SIPA1L1: variants seen among roughly 807,000 people sequenced by gnomAD.
SIPA1L1 encodes signal induced proliferation associated 1 like 1, also known as signal-induced proliferation-associated 1-like protein 1.
In SIPA1L1, 26 loss-of-function variants were observed where a neutral mutation model predicts 162.7. The observed-to-expected ratio is 0.16, with a 90% CI of 0.12 to 0.22. The LOEUF is 0.22. Ranked by LOEUF, SIPA1L1 falls within the 10% of genes least tolerant of loss-of-function variation. The probability of loss-of-function intolerance (pLI) is 1.00; values close to 1 mark genes in which losing one functional copy is unlikely to be tolerated. For synonymous variants in SIPA1L1, 829 were observed against 837.4 expected (o/e 0.99, Z 0.17); for missense variants, 1,874 against 2,241.0 (o/e 0.84, Z 3.31).
chr14:71,714,923 C>T (rs868305132), intron 17 of SIPA1L1, among the ~76,000 whole-genome samples: 1 of 152,180 alleles, frequency 6.6e-6, no homozygotes, highest in Non-Finnish European at 1.5e-5. Flanking sequence ...AATAAGTCCT[C>T]TCCCTTTTCA....
intron 9 of SIPA1L1, among the ~76,000 whole-genome samples, chr14:71,659,335 A>T (rs376492622): frequency 9.9e-5 from 15 of 152,192 alleles, no homozygotes; most frequent in East Asian, 3.8e-4. Flanking sequence ...CCAAACACTG[A>T]TCTAATCTAA....
At chr14:71,464,008 T>C (rs1210339860) in intron 2 of SIPA1L1, among the ~76,000 whole-genome samples, 1 of 152,218 alleles carries the variant, frequency 6.6e-6, no homozygotes, top group Non-Finnish European at 1.5e-5. Context: ...AATTTAGTAG[T>C]TGAGTGACTG....
chr14:71,346,269 A>G (rs1396696473), intron 2 of SIPA1L1, among the ~76,000 whole-genome samples: 2 of 152,180 alleles, frequency 1.3e-5, no homozygotes, highest in African/African-American at 2.4e-5. Flanking sequence ...TGTTTAAACT[A>G]TATGTGTGGA....
chr14:71,451,165 A>G (rs980832681), intron 2 of SIPA1L1, among the ~76,000 whole-genome samples: 1 of 152,060 alleles, frequency 6.6e-6, no homozygotes, highest in Non-Finnish European at 1.5e-5. Context: ...AGACTGCATG[A>G]TCTCCCCTAC....
chr14:71,539,269 G>A (rs1160804121), intron 4 of SIPA1L1, among the ~76,000 whole-genome samples: 3 of 152,154 alleles, frequency 2.0e-5, no homozygotes, highest in Non-Finnish European at 4.4e-5. Flanking sequence ...AAATGGAGGA[G>A]AATATTGTCT....
At chr14:71,587,455 CTG>C (rs1567249994) in intron 4 of SIPA1L1, 114 bp from the exon 5 acceptor site, 6 of 395,408 alleles carry the variant, frequency 1.5e-5, no homozygotes, top group Non-Finnish European at 8.9e-6. Flanking sequence ...GATTGTGGAA[CTG>C]TGAATCCTAA....
intron 2 of SIPA1L1, among the ~76,000 whole-genome samples, chr14:71,482,697 T>C (rs1030482890): frequency 2.0e-5 from 3 of 152,200 alleles, no homozygotes; most frequent in Non-Finnish European, 4.4e-5. Flanking sequence ...TTTAACCTCT[T>C]AAGCTTTCTG....
intron 2 of SIPA1L1, among the ~76,000 whole-genome samples, chr14:71,468,622 C>T (rs2047211275): frequency 6.6e-6 from 1 of 152,222 alleles, no homozygotes; most frequent in African/African-American, 2.4e-5. Context: ...CCTCTTAACA[C>T]TAGGCTGGAG....
At chr14:71,502,251 AAAAAAT>A (rs1326946326) in intron 2 of SIPA1L1, among the ~76,000 whole-genome samples, 15 of 60,952 alleles carry the variant, frequency 2.5e-4, no homozygotes, top group South Asian at 1.1e-3. Flanking sequence ...TGAAAAAAAA[AAAAAAT>A]ATATATATAT....
At chr14:71,551,124 T>A (rs941722783) in intron 4 of SIPA1L1, among the ~76,000 whole-genome samples, 2 of 152,200 alleles carry the variant, frequency 1.3e-5, no homozygotes, top group Non-Finnish European at 2.9e-5. Context: ...TCATATCATC[T>A]TAAATGACTT....
At chr14:71,442,917 C>T (rs1166036740) in intron 2 of SIPA1L1, among the ~76,000 whole-genome samples, 1 of 152,124 alleles carries the variant, frequency 6.6e-6, no homozygotes, top group African/African-American at 2.4e-5. Flanking sequence ...GCCTGGGTAA[C>T]AAAACAAGAC....
chr14:71,567,790 A>T (rs929636239), intron 4 of SIPA1L1, among the ~76,000 whole-genome samples: 3 of 149,106 alleles, frequency 2.0e-5, no homozygotes, highest in South Asian at 2.1e-4. Flanking sequence ...GAGCAAACTT[A>T]TAGTTATTTC....
chr14:71,366,860 G>C (rs980085184), intron 2 of SIPA1L1, among the ~76,000 whole-genome samples: 1 of 152,170 alleles, frequency 6.6e-6, no homozygotes, highest in Admixed American at 6.5e-5. Flanking sequence ...AAAGTATAAA[G>C]TGCTTTTTAA....
At chr14:71,590,259 G>T (rs1317125063) in intron 5 of SIPA1L1, among the ~76,000 whole-genome samples, 1 of 151,814 alleles carries the variant, frequency 6.6e-6, no homozygotes, top group Admixed American at 6.6e-5. Context: ...CATCCAGGTA[G>T]ACAAACGAGG....
intron 5 of SIPA1L1, among the ~76,000 whole-genome samples, chr14:71,609,534 T>C (rs994125661): frequency 1.3e-5 from 2 of 151,494 alleles, no homozygotes; most frequent in African/African-American, 4.9e-5. Context: ...TGGGGTGATC[T>C]CAGCTCACTG....
At chr14:71,524,588 G>A (rs2052676617) in intron 3 of SIPA1L1, among the ~76,000 whole-genome samples, 1 of 152,148 alleles carries the variant, frequency 6.6e-6, no homozygotes, top group Non-Finnish European at 1.5e-5. Flanking sequence ...TGATTTACAA[G>A]TCCTTTCATC....
intron 4 of SIPA1L1, among the ~76,000 whole-genome samples, chr14:71,554,397 A>T (rs2146350132): frequency 6.6e-6 from 1 of 152,334 alleles, no homozygotes; most frequent in East Asian, 1.9e-4. Context: ...AAATATAAAG[A>T]TTTTTAAAGA....
chr14:71,398,015 T>G (rs1595222868), intron 2 of SIPA1L1, among the ~76,000 whole-genome samples: 2 of 139,668 alleles, frequency 1.4e-5, no homozygotes, highest in South Asian at 4.8e-4. Context: ...AAAAATTTTT[T>G]TTTTTTTTTT....
intron 2 of SIPA1L1, among the ~76,000 whole-genome samples, chr14:71,383,630 G>C (rs762425462): frequency 6.6e-6 from 1 of 152,152 alleles, no homozygotes; most frequent in Non-Finnish European, 1.5e-5. Flanking sequence ...TCCTGGCGAG[G>C]GCCTCTGGAA....
Sources: gnomAD v4.1 joint callset for allele counts (sites outside exome capture counted in the v4.1 genomes callset) on GRCh38, gnomAD v4.1.1 for gene constraint, MANE v1.5 for transcripts, NCBI Gene and HGNC (gene_info 2026-07-23, HGNC 2026-07-21) for gene names.